RIOX2: variants seen among roughly 807,000 people sequenced by gnomAD.
The protein encoded by RIOX2 is 60S ribosomal protein L27a histidine hydroxylase.
Under a neutral mutation model 51.2 loss-of-function variants are expected in RIOX2, and 43 were observed. That is an observed-to-expected ratio of 0.84 (90% CI 0.66 to 1.08). The LOEUF (loss-of-function observed/expected upper bound fraction) is 1.08. Ranked by LOEUF, RIOX2 falls within the 50% of genes least tolerant of loss-of-function variation. The pLI is 0.00. For missense variants in RIOX2, 566 were observed against 561.7 expected (o/e 1.01, Z -0.08); for synonymous variants, 226 against 218.5 (o/e 1.03, Z -0.30).
At position 97,949,868 on chromosome 3, in the gene RIOX2, CT is replaced by C. The variant is rs1676765327; in HGVS notation, c.1035del (p.Asp346MetfsTer18). ...IMHRLPPYSA[G>X]DGAELSTPGG... ...CCTGGTGTTGACAGCTCTGCCCCAT[CT>C]CCCGCAGAGTAAGGGGGGAGTCTGT... On this transcript the variant is annotated frameshift_variant, in exon 7 of 10. Transcript: ENST00000394198. LOFTEE classifies it high-confidence loss of function. The C allele has an allele frequency of 2.5e-6, 4 of 1,613,824 alleles. No individual in the cohort carries two copies. Among genetic ancestry groups the C allele is most frequent in the Non-Finnish European group, 3.4e-6 (4 of 1,179,892 alleles).
chr3:97,959,251 T>C (rs1705575094), intron 3 of RIOX2, 72 bp from the exon 4 acceptor site: 2 of 1,509,756 alleles, frequency 1.3e-6, no homozygotes, highest in Admixed American at 4.3e-5. Context: ...TTCCGGACTA[T>C]TAGCCCTCTA....
rs747793547 is a variant in RIOX2 at position 97,945,352 on chromosome 3, T to G, written c.1240-10A>C. On this transcript the variant is annotated splice_polypyrimidine_tract_variant and intron_variant, in intron 9 of 9. Coordinates refer to ENST00000394198, the MANE Select transcript of RIOX2 (RefSeq NM_153182.4). The stretch of plus-strand genomic sequence containing the variant: ...AGCGAAGTCCATGAAACTGAAAGGA[T>G]AAATTTATTTGTCAAAATATATGTA... 6.2e-7 allele frequency: 1 copy of G among 1,605,138 alleles called. No homozygotes were observed. The highest frequency in any genetic ancestry group is 1.3e-5 in the African/African-American group (1 of 74,380).
At chr3:97,969,299 A>C (rs1047812284) in intron 1 of RIOX2, among the ~76,000 whole-genome samples, 3 of 152,218 alleles carry the variant, frequency 2.0e-5, no homozygotes, top group Non-Finnish European at 2.9e-5. Context: ...CCTTTAAGTG[A>C]AACAGACCAG....
chr3:97,959,209 G>C, intron 3 of RIOX2, 30 bp from the exon 4 acceptor site: 2 of 1,600,210 alleles, frequency 1.2e-6, no homozygotes, highest in Non-Finnish European at 1.7e-6. Context: ...AGGAGCATCA[G>C]AGAGCTTCCT....
At chr3:97,957,697 G>A (rs911754195) in intron 4 of RIOX2, among the ~76,000 whole-genome samples, 14 of 152,020 alleles carry the variant, frequency 9.2e-5, no homozygotes, top group Admixed American at 5.2e-4. Context: ...TGACCTTCTC[G>A]GGCAGAGCAA....
chr3:97,967,541 G>T lies in RIOX2; in HGVS notation c.53C>A (p.Pro18His). 6.2e-7 allele frequency: 1 copy of T among 1,612,566 alleles called. No homozygotes were observed. The highest frequency in any genetic ancestry group is 8.5e-7 in the Non-Finnish European group (1 of 1,179,536). ...TGCTTCTAACTTCATCTGCTTACAG[G>T]GAGCCGGCCCCTCTTCCTTCCCACT... is the stretch of plus-strand genomic sequence containing the variant. The part of the protein sequence containing the change: ...TGSGKEEGPA[P>H]CKQMKLEAAG... The change falls in exon 2 of 10, where the codon CCC becomes CAC. Residue 18 changes from proline (P) to histidine (H), a missense_variant. Pro to His is a moderately conservative substitution (Grantham distance 77). Coordinates refer to ENST00000394198, the MANE Select transcript of RIOX2 (RefSeq NM_153182.4).
In RIOX2 at chr3:97,967,327, CAG is replaced by C; in HGVS notation, c.265_266del (p.Leu89ValfsTer26). ...TTCCATAGTACATCCCCCGGCTGCACAGACTCTTCAGATCTGTTAGCTTGAAC... is the reference window on the plus strand; with the variant it reads ...TTCCATAGTACATCCCCCGGCTGCACACTCTTCAGATCTGTTAGCTTGAAC... ...SLFKLTDLKS[L>X]CSRGMYYGRD... On this transcript the variant is annotated frameshift_variant, in exon 2 of 10. Transcript: ENST00000394198. LOFTEE classifies it high-confidence loss of function. The C allele has an allele frequency of 6.2e-7, 1 of 1,614,232 alleles. No homozygotes were observed. The highest frequency in any genetic ancestry group is 8.5e-7 in the Non-Finnish European group (1 of 1,180,044).
intron 9 of RIOX2, 155 bp from the exon 10 acceptor site, chr3:97,945,497 A>ACTT (rs894640473): frequency 3.0e-6 from 2 of 676,816 alleles, no homozygotes; most frequent in Admixed American, 6.5e-5. Flanking sequence ...AAAGATGCCA[A>ACTT]CTTCTATATA....
intron 1 of RIOX2, among the ~76,000 whole-genome samples, chr3:97,969,684 G>C (rs1706046300): frequency 6.6e-6 from 1 of 152,258 alleles, no homozygotes; most frequent in Non-Finnish European, 1.5e-5. Context: ...CCTGGGCACT[G>C]AGTCTCTAAC....
At chr3:97,964,296 T>C (rs1343778499) in intron 2 of RIOX2, among the ~76,000 whole-genome samples, 1 of 152,078 alleles carries the variant, frequency 6.6e-6, no homozygotes, top group Non-Finnish European at 1.5e-5. Context: ...TCTTTCAAAG[T>C]ATGGTAGGAA....
Position 97,942,429 on chromosome 3 carries a change from T to A in RIOX2, c.*2755A>T. The A allele has an allele frequency of 6.2e-7, 1 of 1,610,396 alleles. No individual in the cohort carries two copies. The highest frequency in any genetic ancestry group is 8.5e-7 in the Non-Finnish European group (1 of 1,177,810). On this transcript the variant is annotated 3_prime_UTR_variant, in exon 10 of 10. Transcript: ENST00000394198. ...AGCTCTTATCTCAGTGATCAACTTGTCCTTGATGTTAAAGGTGGGCCTTTG... is the reference window on the plus strand; with the variant it reads ...AGCTCTTATCTCAGTGATCAACTTGACCTTGATGTTAAAGGTGGGCCTTTG...
At chr3:97,947,667 A>G (rs1404743482) in intron 7 of RIOX2, among the ~76,000 whole-genome samples, 2 of 152,242 alleles carry the variant, frequency 1.3e-5, no homozygotes, top group African/African-American at 4.8e-5. Context: ...AGACAGACAT[A>G]GATAAATAAT....
intron 2 of RIOX2, among the ~76,000 whole-genome samples, chr3:97,966,170 A>G (rs973166717): frequency 2.6e-5 from 4 of 152,240 alleles, no homozygotes; most frequent in Non-Finnish European, 4.4e-5. Context: ...CCAATGGGAT[A>G]TAACAAGCCA....
At chr3:97,960,990 CT>C (rs1705653151) in intron 3 of RIOX2, among the ~76,000 whole-genome samples, 1 of 152,016 alleles carries the variant, frequency 6.6e-6, no homozygotes, top group Non-Finnish European at 1.5e-5. Context: ...AAAAAGGGGA[CT>C]TTTTACCAAT....
chr3:97,966,545 A>T (rs28595647), intron 2 of RIOX2, among the ~76,000 whole-genome samples: 1 of 152,256 alleles, frequency 6.6e-6, no homozygotes, highest in African/African-American at 2.4e-5. Context: ...ATAGAAAAAA[A>T]TTTAAAAATT....
chr3:97,947,987 G>T (rs1426286222), intron 7 of RIOX2, among the ~76,000 whole-genome samples: 4 of 152,094 alleles, frequency 2.6e-5, no homozygotes, highest in Non-Finnish European at 5.9e-5. Flanking sequence ...ATTTAACTTA[G>T]TGGAACAATA....
chr3:97,951,756 G>C (rs1306648065), intron 5 of RIOX2, among the ~76,000 whole-genome samples: 1 of 152,282 alleles, frequency 6.6e-6, no homozygotes, highest in Admixed American at 6.5e-5. Context: ...AAGTTGCAAA[G>C]GAGGACAAAA....
At chr3:97,959,723 A>G (rs1401217960) in intron 3 of RIOX2, among the ~76,000 whole-genome samples, 1 of 152,210 alleles carries the variant, frequency 6.6e-6, no homozygotes, top group East Asian at 1.9e-4. Flanking sequence ...CATGAAAAAT[A>G]TCAAAAGAAT....
At chr3:97,951,024 A>G (rs1705225432) in intron 5 of RIOX2, 136 bp from the exon 6 acceptor site, 2 of 637,160 alleles carry the variant, frequency 3.1e-6, no homozygotes, top group East Asian at 5.5e-5. Context: ...TTTGAGTTCC[A>G]TTAATTGGAC....
Sources: gnomAD v4.1 joint callset for allele counts (sites outside exome capture counted in the v4.1 genomes callset) on GRCh38, gnomAD v4.1.1 for gene constraint, MANE v1.5 for transcripts, NCBI Gene and HGNC (gene_info 2026-07-23, HGNC 2026-07-21) for gene names.